Variants in ATP10A observed in about 807,000 individuals in gnomAD.
ATP10A encodes the protein phospholipid-transporting ATPase VA.
Under a neutral mutation model 147.8 loss-of-function variants are expected in ATP10A, and 111 were observed. The ratio of observed to expected loss-of-function variants is 0.75; its 90% CI spans 0.64 to 0.88. ATP10A has a LOEUF of 0.88. Among genes scored for constraint, ATP10A ranks in the 40% least tolerant of loss-of-function variants. The pLI is 0.00. For missense variants in ATP10A, 1,927 were observed against 1,959.0 expected, an observed-to-expected ratio of 0.98 and a Z score of 0.31; for synonymous variants, 875 against 841.6, an observed-to-expected ratio of 1.04 and a Z score of -0.69.
chr15:25,849,002 G>A (rs1353963518), intron 1 of ATP10A, among the ~76,000 whole-genome samples: 1 of 152,056 alleles, frequency 6.6e-6, no homozygotes, highest in Non-Finnish European at 1.5e-5. Flanking sequence ...TGTGGGAGGG[G>A]GAACATAGGG....
chr15:25,852,338 C>T (rs997719687), intron 1 of ATP10A, among the ~76,000 whole-genome samples: 6 of 152,140 alleles, frequency 3.9e-5, no homozygotes, highest in Non-Finnish European at 8.8e-5. Context: ...CATCTTCCCT[C>T]CAATTTAAAT....
At chr15:25,734,324 A>T (rs1401486656) in intron 3 of ATP10A, among the ~76,000 whole-genome samples, 3 of 152,220 alleles carry the variant, frequency 2.0e-5, no homozygotes, top group African/African-American at 7.2e-5. Flanking sequence ...TGCAGTCTTC[A>T]GAAGAGAAAG....
chr15:25,765,643 C>T (rs1323934509), intron 2 of ATP10A, among the ~76,000 whole-genome samples: 2 of 152,200 alleles, frequency 1.3e-5, no homozygotes, highest in Admixed American at 6.5e-5. Context: ...GCTGGAAGCT[C>T]CCAGCCCTGG....
chr15:25,738,034 C>T (rs187204941), intron 2 of ATP10A, among the ~76,000 whole-genome samples: 154 of 152,326 alleles, frequency 1.0e-3, no homozygotes, highest in African/African-American at 3.4e-3. Context: ...TAAACGAATA[C>T]AGAGACCATC....
In ATP10A at chr15:25,713,744, G is replaced by A. The variant is rs139578740; in HGVS notation, c.2274C>T (p.Thr758=). ...RMSVVIRHPL[T]DEINVYTKGA... ...CCTTGGTGTAGACGTTGATCTCATC[G>A]GTAAGCGGGTGCCGGATCACCACTG... The change falls in exon 10 of 21, where the codon ACC becomes ACT. Residue 758 remains threonine, a synonymous_variant. Transcript: ENST00000555815. The A allele has an allele frequency of 1.1e-5, 17 of 1,613,946 alleles. No homozygotes were observed. The highest frequency in any genetic ancestry group is 2.2e-5 in the East Asian group (1 of 44,866).
At chr15:25,673,982 T>C (rs983500817), downstream of ATP10A, among the ~76,000 whole-genome samples, 1 of 152,112 alleles carries the variant, frequency 6.6e-6, no homozygotes, top group African/African-American at 2.4e-5. Flanking sequence ...AGCTGTGCTG[T>C]GTTTGGGCCA....
intron 2 of ATP10A, among the ~76,000 whole-genome samples, chr15:25,766,903 TAAA>T (rs778348104): frequency 9.0e-6 from 1 of 110,644 alleles, no homozygotes; most frequent in South Asian, 2.9e-4. Context: ...GAACTGTTTC[TAAA>T]AAAAAAAAAA....
chr15:25,793,647 A>G (rs907596633), intron 1 of ATP10A, among the ~76,000 whole-genome samples: 49 of 152,340 alleles, frequency 3.2e-4, no homozygotes, highest in African/African-American at 1.1e-3. Context: ...TATTTTGGTT[A>G]GCATAGCATG....
intron 1 of ATP10A, among the ~76,000 whole-genome samples, chr15:25,854,890 T>C (rs1475871417): frequency 2.0e-5 from 3 of 152,036 alleles, no homozygotes; most frequent in African/African-American, 7.2e-5. Flanking sequence ...AAACCCAGTC[T>C]CTACTAGAAA....
At chr15:25,736,317 A>T (rs1027955189) in intron 2 of ATP10A, among the ~76,000 whole-genome samples, 176 bp from the exon 3 acceptor site, 3 of 152,236 alleles carry the variant, frequency 2.0e-5, no homozygotes, top group African/African-American at 7.2e-5. Context: ...AATAAATAAC[A>T]GTTAATCATT....
intron 1 of ATP10A, among the ~76,000 whole-genome samples, chr15:25,853,809 C>A (rs1401022310): frequency 6.6e-6 from 1 of 152,040 alleles, no homozygotes; most frequent in Non-Finnish European, 1.5e-5. Context: ...AATGGCAAGA[C>A]CTGGTGGAAT....
At chr15:25,781,270 G>C in intron 1 of ATP10A, 47 bp from the exon 2 acceptor site, 1 of 1,539,114 alleles carries the variant, frequency 6.5e-7, no homozygotes, top group African/African-American at 1.4e-5. Flanking sequence ...CATTGGTCGT[G>C]GCTGGATCTG....
At chr15:25,850,520 G>T (rs959514620) in intron 1 of ATP10A, among the ~76,000 whole-genome samples, 2 of 152,184 alleles carry the variant, frequency 1.3e-5, no homozygotes, top group African/African-American at 4.8e-5. Context: ...CACCCTGGGG[G>T]CCAGCCCACA....
chr15:25,794,180 TG>T (rs1340460281), intron 1 of ATP10A, among the ~76,000 whole-genome samples: 1 of 152,178 alleles, frequency 6.6e-6, no homozygotes, highest in Non-Finnish European at 1.5e-5. Flanking sequence ...CATGTGAAGG[TG>T]GCAGCCTGGG....
At chr15:25,733,320 G>C (rs978601057) in intron 3 of ATP10A, among the ~76,000 whole-genome samples, 2 of 152,146 alleles carry the variant, frequency 1.3e-5, no homozygotes, top group Non-Finnish European at 2.9e-5. Context: ...ATCAGGACTG[G>C]TATGGGGTTA....
chr15:25,811,578 C>T (rs1228931759), intron 1 of ATP10A, among the ~76,000 whole-genome samples: 5 of 152,152 alleles, frequency 3.3e-5, no homozygotes, highest in Admixed American at 2.6e-4. Context: ...GCACACTCCC[C>T]TCTACTATTT....
intron 12 of ATP10A, 112 bp downstream of exon 12, chr15:25,707,864 C>T: frequency 6.9e-7 from 1 of 1,451,016 alleles, no homozygotes; most frequent in Non-Finnish European, 9.3e-7. Context: ...CCAGGTGGCT[C>T]CCTAACCAAG....
chr15:25,799,435 G>A (rs1890834660), intron 1 of ATP10A, among the ~76,000 whole-genome samples: 1 of 152,142 alleles, frequency 6.6e-6, no homozygotes, highest in Non-Finnish European at 1.5e-5. Context: ...TCAGGGGTGG[G>A]CAGCCCGGCC....
chr15:25,749,919 A>G (rs1283671283), intron 2 of ATP10A, among the ~76,000 whole-genome samples: 2 of 152,188 alleles, frequency 1.3e-5, no homozygotes, highest in Non-Finnish European at 2.9e-5. Flanking sequence ...AACCAAAACT[A>G]TCCAAACGGA....
Sources: gnomAD v4.1 joint callset for allele counts (sites outside exome capture counted in the v4.1 genomes callset) on GRCh38, gnomAD v4.1.1 for gene constraint, MANE v1.5 for transcripts, NCBI Gene and HGNC (gene_info 2026-07-23, HGNC 2026-07-21) for gene names.